The following CATSPER3 variants were observed in gnomAD, a reference collection of about 807,000 sequenced individuals.
CATSPER3 encodes the protein cation channel sperm-associated protein 3.
In CATSPER3, 23 loss-of-function variants were observed where a neutral mutation model predicts 36.6. That is an observed-to-expected ratio of 0.63 (90% CI 0.45 to 0.89). The LOEUF is 0.89. CATSPER3 is among the 40% of genes least tolerant of loss of function. The probability of loss-of-function intolerance (pLI) is 0.00; values close to 1 mark genes in which losing one functional copy is unlikely to be tolerated. For synonymous variants in CATSPER3, 172 were observed against 184.1 expected (o/e 0.93, Z 0.53); for missense variants, 474 against 503.9 (o/e 0.94, Z 0.57).
In CATSPER3 at chr5:135,009,361, G is replaced by T; in HGVS notation, c.817-10G>T. ...AGCCTGTAGTTGACCTCCATCGTCT[G>T]ACTCTCTAGGACTCCATCAGAAAGT... On this transcript the variant is annotated splice_polypyrimidine_tract_variant and intron_variant, in intron 5 of 7. Transcript: ENST00000282611. The T allele has an allele frequency of 1.9e-6, 3 of 1,613,098 alleles. No individual in the cohort carries two copies. The South Asian group carries it at 3.3e-5, about 18-fold the overall frequency.
intron 2 of CATSPER3, among the ~76,000 whole-genome samples, chr5:134,994,898 T>C (rs1751924737): frequency 6.6e-6 from 1 of 152,128 alleles, no homozygotes; most frequent in Non-Finnish European, 1.5e-5. Context: ...GCGAGACCTC[T>C]GTCGACCACC....
Position 134,970,216 on chromosome 5 carries a change from C to T in CATSPER3, c.252+124C>T, listed in dbSNP as rs1018864293. 3.7e-5 allele frequency: 34 copies of T among 926,898 alleles called. No homozygotes were observed. In the African/African-American group the frequency reaches 4.0e-4, roughly 11 times the overall value. The allele number at this position is 926,898 out of a possible 1,614,324, so 57.4% of individuals were successfully genotyped here. The stretch of plus-strand genomic sequence containing the variant: ...ACTCTGTCAGGCTGGAGTGCAGTGG[C>T]GTGATCTCAGCTCACTGCAACCTCC... On this transcript the variant is annotated intron_variant, in intron 2 of 7. Coordinates refer to ENST00000282611, the MANE Select transcript of CATSPER3 (RefSeq NM_178019.3).
intron 3 of CATSPER3, among the ~76,000 whole-genome samples, chr5:134,997,319 G>C (rs1364550400): frequency 6.6e-6 from 1 of 152,238 alleles, no homozygotes; most frequent in Non-Finnish European, 1.5e-5. Context: ...GAACGTTAGA[G>C]GTCTCCCCTG....
At chr5:134,994,038 T>C (rs1429057256) in intron 2 of CATSPER3, among the ~76,000 whole-genome samples, 1 of 151,974 alleles carries the variant, frequency 6.6e-6, no homozygotes, top group Non-Finnish European at 1.5e-5. Flanking sequence ...GGCAGGAGAG[T>C]TGCTTGAACC....
chr5:134,987,644 G>T (rs951278831), intron 2 of CATSPER3, among the ~76,000 whole-genome samples: 1 of 152,096 alleles, frequency 6.6e-6, no homozygotes, highest in African/African-American at 2.4e-5. Context: ...AAGAAAGCAA[G>T]GGTGATTCAA....
chr5:134,996,055 A>C (rs1751941264), intron 2 of CATSPER3, among the ~76,000 whole-genome samples: 1 of 152,200 alleles, frequency 6.6e-6, no homozygotes, highest in South Asian at 2.1e-4. Context: ...CCAGGGTCAG[A>C]CCCAGCCCCA....
At chr5:135,006,026 C>G (rs369624109) in intron 3 of CATSPER3, among the ~76,000 whole-genome samples, 24 of 152,292 alleles carry the variant, frequency 1.6e-4, no homozygotes, top group African/African-American at 4.6e-4. Context: ...AATTGCCCCC[C>G]CAAAAGAATT....
chr5:134,980,826 A>G (rs1294482294), intron 2 of CATSPER3, among the ~76,000 whole-genome samples: 2 of 152,168 alleles, frequency 1.3e-5, no homozygotes, highest in Non-Finnish European at 2.9e-5. Context: ...CCTTGGACTC[A>G]AAAGATCCCC....
intron 6 of CATSPER3, among the ~76,000 whole-genome samples, chr5:135,009,905 C>T (rs1752157380): frequency 6.6e-6 from 1 of 152,192 alleles, no homozygotes; most frequent in Non-Finnish European, 1.5e-5. Context: ...TTCCTAAACC[C>T]AGAACAAGAA....
chr5:134,980,174 G>A (rs1277671940), intron 2 of CATSPER3, among the ~76,000 whole-genome samples: 1 of 151,718 alleles, frequency 6.6e-6, no homozygotes, highest in Non-Finnish European at 1.5e-5. Context: ...TAGAGATGGG[G>A]TCTCACTATG....
intron 2 of CATSPER3, among the ~76,000 whole-genome samples, chr5:134,976,414 T>C (rs1751675203): frequency 7.0e-6 from 1 of 142,360 alleles, no homozygotes; most frequent in South Asian, 2.4e-4. Flanking sequence ...GGGTTTCACA[T>C]TGGGAATGTA....
intron 2 of CATSPER3, among the ~76,000 whole-genome samples, chr5:134,971,200 C>T (rs77625575): frequency 0.12 from 17,526 of 152,116 alleles, 1,275 homozygotes; most frequent in East Asian, 0.26. Context: ...CCGCCCTCCT[C>T]GGCCTCCCAG....
intron 1 of CATSPER3, chr5:134,968,333 C>CT (rs1751559012): frequency 4.2e-6 from 2 of 479,436 alleles, no homozygotes; most frequent in Admixed American, 3.3e-5. Context: ...AGGCTTTTCT[C>CT]TTTTTTTATA....
chr5:134,996,514 T>G lies in CATSPER3; in HGVS notation c.492+2T>G, dbSNP rs1580911110. The G allele has an allele frequency of 6.2e-7, 1 of 1,613,732 alleles. No individual in the cohort carries two copies. Among genetic ancestry groups the G allele is most frequent in the African/African-American group, 1.3e-5 (1 of 74,934 alleles). ...ATCGGCTATAGCCAGGGCATCCGGG[T>G]GAGTGCACTGGGGGTGTCATGGTGC... On this transcript the variant is annotated splice_donor_variant, in intron 3 of 7. Coordinates refer to ENST00000282611, the MANE Select transcript of CATSPER3 (RefSeq NM_178019.3). LOFTEE classifies it high-confidence loss of function.
At chr5:134,968,148 A>AG in intron 1 of CATSPER3, 59 bp downstream of exon 1, 3 of 1,202,566 alleles carry the variant, frequency 2.5e-6, no homozygotes, top group Non-Finnish European at 3.7e-6. Flanking sequence ...GTGTGAGGGC[A>AG]GGGTGTCAGT....
chr5:134,990,646 C>T (rs1389804415), intron 2 of CATSPER3, among the ~76,000 whole-genome samples: 1 of 152,106 alleles, frequency 6.6e-6, no homozygotes, highest in Admixed American at 6.5e-5. Flanking sequence ...GTGAGAATTA[C>T]CAAAATATGA....
intron 3 of CATSPER3, 119 bp downstream of exon 3, chr5:134,996,631 T>A: frequency 1.1e-6 from 1 of 912,790 alleles, no homozygotes; most frequent in Non-Finnish European, 1.7e-6. Context: ...CCAACGTGTG[T>A]GGCAGGTTGA....
At position 134,992,300 on chromosome 5, in the gene CATSPER3, C is replaced by G. The variant is rs1380614372; in HGVS notation, c.253-3973C>G. 2.0e-5 allele frequency among the ~76,000 whole-genome samples: 3 copies of G among 152,126 alleles called. No individual in the cohort carries two copies. In the East Asian group the frequency reaches 5.8e-4, roughly 29 times the overall value. On this transcript the variant is annotated intron_variant, in intron 2 of 7. Transcript: ENST00000282611. The stretch of plus-strand genomic sequence containing the variant: ...CAAAAGACTTACATAGACATTTCTC[C>G]AAAGTAGATATTACAAATGGCCAAT...
intron 3 of CATSPER3, among the ~76,000 whole-genome samples, chr5:134,997,698 TCTC>T (rs1027729871): frequency 6.6e-6 from 1 of 152,092 alleles, no homozygotes; most frequent in Non-Finnish European, 1.5e-5. Context: ...GTCCCTGAGT[TCTC>T]CTCCTCTGCT....
Sources: gnomAD v4.1 joint callset for allele counts (sites outside exome capture counted in the v4.1 genomes callset) on GRCh38, gnomAD v4.1.1 for gene constraint, MANE v1.5 for transcripts, NCBI Gene and HGNC (gene_info 2026-07-23, HGNC 2026-07-21) for gene names.